Variants in ZSCAN32 observed in about 807,000 individuals in gnomAD.
ZSCAN32 encodes the protein zinc finger and SCAN domain containing 32.
A neutral mutation model predicts 47.4 loss-of-function variants in ZSCAN32; 52 were observed. That is an observed-to-expected ratio of 1.10 (90% CI 0.88 to 1.38). The LOEUF (loss-of-function observed/expected upper bound fraction) is 1.38. Ranked by LOEUF, ZSCAN32 falls within the 40% of genes most tolerant of loss-of-function variation. The pLI is 0.00. For missense variants in ZSCAN32, 959 were observed against 846.0 expected (o/e 1.13, Z -1.66); for synonymous variants, 346 against 305.7 (o/e 1.13, Z -1.38).
Position 3,383,625 on chromosome 16 carries a change from T to G in ZSCAN32, c.1321A>C (p.Lys441Gln). 1.2e-6 allele frequency: 2 copies of G among 1,613,462 alleles called. No individual in the cohort carries two copies. Among genetic ancestry groups the G allele is most frequent in the Non-Finnish European group, 1.7e-6 (2 of 1,180,024 alleles). Residue 441 changes from lysine (K) to glutamine (Q), a missense_variant, in exon 7 of 7, where the codon AAG becomes CAG. By Grantham distance (53) the Lys-to-Gln change is moderately conservative (BLOSUM62 1). Transcript: ENST00000396852. ...EVEINKALQR[K>Q]SRGVYWHSEL... Reference sequence around the variant, plus strand: ...GAGTGCCAATAAACTCCTCTGGACTTTCTCTGTAAAGCCTTGTTTATTTCT... The same window carrying G: ...GAGTGCCAATAAACTCCTCTGGACTGTCTCTGTAAAGCCTTGTTTATTTCT...
At position 3,383,330 on chromosome 16, in the gene ZSCAN32, T is replaced by C. The variant is rs1231056641; in HGVS notation, c.1616A>G (p.His539Arg). 6.2e-7 allele frequency: 1 copy of C among 1,614,216 alleles called. No homozygotes were observed. The highest frequency in any genetic ancestry group is 8.5e-7 in the Non-Finnish European group (1 of 1,180,048). Residue 539 changes from histidine to arginine, a missense_variant, in exon 7 of 7, where the codon CAT (histidine) becomes CGT (arginine). Transcript: ENST00000396852. ...CTTCTCGCCTGTGTGGATTCTTTGATGCCGAACAAGATAAGAACTTCGGCT... is the reference window on the plus strand; with the variant it reads ...CTTCTCGCCTGTGTGGATTCTTTGACGCCGAACAAGATAAGAACTTCGGCT... ...TFSRSSYLVR[H>R]QRIHTGEKPH...
intron 2 of ZSCAN32, among the ~76,000 whole-genome samples, chr16:3,396,214 G>C (rs1191737127): frequency 1.3e-5 from 2 of 152,084 alleles, no homozygotes; most frequent in Non-Finnish European, 2.9e-5. Context: ...ATGAATAAGA[G>C]TCCCAATCCC....
In ZSCAN32 at chr16:3,384,666, C is replaced by T. The variant is rs751954478; in HGVS notation, c.1027G>A (p.Ala343Thr). Residue 343 changes from alanine to threonine, a missense_variant, in exon 6 of 7, where the codon GCC (alanine) becomes ACC (threonine). By Grantham distance (58) the Ala-to-Thr change is moderately conservative. Transcript: ENST00000396852. ...EEMNALSGSW[A>T]SAPPMASDAV... is the part of the protein sequence containing the mutation. Reference sequence around the variant, plus strand: ...TCGCTTGCCATAGGAGGTGCAGAGGCCCAGGAGCCTGAAAGAGCATTCATT... The same window carrying T: ...TCGCTTGCCATAGGAGGTGCAGAGGTCCAGGAGCCTGAAAGAGCATTCATT... 8.7e-6 allele frequency: 14 copies of T among 1,614,058 alleles called. No individual in the cohort carries two copies. The highest frequency in any genetic ancestry group is 1.2e-5 in the Non-Finnish European group (14 of 1,180,048).
At chr16:3,390,598 GC>G in intron 3 of ZSCAN32, 81 bp from the exon 4 acceptor site, 1 of 1,158,360 alleles carries the variant, frequency 8.6e-7, no homozygotes, top group Non-Finnish European at 1.2e-6. Flanking sequence ...GGGCTCCTGG[GC>G]CAGCCGCATC....
Position 3,393,761 on chromosome 16 carries a change from C to T in ZSCAN32, c.420G>A (p.Leu140=), listed in dbSNP as rs1389799730. 1 of 1,550,350 alleles carries T rather than the reference C, an allele frequency of 6.5e-7. No individual in the cohort carries two copies. The highest frequency in any genetic ancestry group is 2.0e-5 in the Admixed American group (1 of 50,990). ...ATCTCAGTGATTCTCTGGTTGCTCC[C>T]AAAGGGGCCATCTCCTTCATGAGTA... ...LKVLMKEMAP[L]GATRESLRSQ... The change falls in exon 3 of 7, where the codon TTG becomes TTA. Residue 140 remains leucine (L), a synonymous_variant. Transcript: ENST00000396852.
Position 3,384,961 on chromosome 16 carries a change from T to A in ZSCAN32, c.752-20A>T, listed in dbSNP as rs781433414. 6.2e-7 allele frequency: 1 copy of A among 1,602,088 alleles called. No homozygotes were observed. The highest frequency in any genetic ancestry group is 1.1e-5 in the South Asian group (1 of 90,234). On this transcript the variant is annotated intron_variant, in intron 5 of 6. Transcript: ENST00000396852. ...CTGTTGCTGGGGGACAAAGAATAGGTCAATTAGATCTGTCAGTTAGATCAT... is the reference window on the plus strand; with the variant it reads ...CTGTTGCTGGGGGACAAAGAATAGGACAATTAGATCTGTCAGTTAGATCAT...
At chr16:3,394,847 C>G (rs1208613035) in intron 2 of ZSCAN32, among the ~76,000 whole-genome samples, 2 of 152,152 alleles carry the variant, frequency 1.3e-5, no homozygotes, top group Non-Finnish European at 2.9e-5. Context: ...GCTGTGCCCT[C>G]TGTCTGGAGT....
intron 4 of ZSCAN32, 28 bp from the exon 5 acceptor site, chr16:3,390,161 C>G (rs373598484): frequency 6.3e-7 from 1 of 1,577,470 alleles, no homozygotes; most frequent in Non-Finnish European, 8.6e-7. Context: ...CTGCTGCTAC[C>G]GATAAAATAG....
Position 3,384,857 on chromosome 16 carries a change from G to T in ZSCAN32, c.836C>A (p.Thr279Asn), listed in dbSNP as rs1168218040. ...GTAGATCTGGCTGTTCTGCTGACAG[G>T]TCTGGAGTTTTCCATAAAATTGAGA... ...SSSQFYGKLQ[T>N]CQQNSQIYRA... Residue 279 changes from threonine to asparagine, a missense_variant, in exon 6 of 7, where the codon ACC (threonine) becomes AAC (asparagine). Coordinates refer to ENST00000396852, the MANE Select transcript of ZSCAN32 (RefSeq NM_001284527.2). 6.2e-7 allele frequency: 1 copy of T among 1,614,138 alleles called. No homozygotes were observed. Among genetic ancestry groups the T allele is most frequent in the Non-Finnish European group, 8.5e-7 (1 of 1,180,002 alleles).
rs1394337706 is a variant in ZSCAN32, at chr16:3,390,039, G to A, written c.722C>T (p.Thr241Ile). The A allele has an allele frequency of 2.6e-5, 42 of 1,613,580 alleles. No homozygotes were observed. The highest frequency in any genetic ancestry group is 3.4e-5 in the Non-Finnish European group (40 of 1,179,850). Residue 241 changes from threonine (T) to isoleucine (I), a missense_variant, in exon 5 of 7, where the codon ACC becomes ATC. Coordinates refer to ENST00000396852, the MANE Select transcript of ZSCAN32 (RefSeq NM_001284527.2). ...PAQRALYRGA[T>I]QRKDSHVSLA... The stretch of plus-strand genomic sequence containing the variant: ...CGAGACGTGACTGTCCTTCCTCTGG[G>A]TGGCACCCCTGTAGAGGGCCCTTTG...
intron 2 of ZSCAN32, among the ~76,000 whole-genome samples, chr16:3,394,547 C>T (rs955407471): frequency 6.6e-6 from 1 of 152,150 alleles, no homozygotes; most frequent in Non-Finnish European, 1.5e-5. Context: ...TCTGCATCCT[C>T]TCTACTGCTG....
At chr16:3,385,839 C>T (rs1024119119) in intron 5 of ZSCAN32, among the ~76,000 whole-genome samples, 4 of 152,142 alleles carry the variant, frequency 2.6e-5, no homozygotes, top group Non-Finnish European at 5.9e-5. Context: ...ACCATAAAAA[C>T]CCTAGAAGAA....
intron 3 of ZSCAN32, among the ~76,000 whole-genome samples, chr16:3,391,992 G>T (rs2032759472): frequency 6.6e-6 from 1 of 152,140 alleles, no homozygotes; most frequent in Admixed American, 6.5e-5. Context: ...AAGGCAGCAA[G>T]TATCTAGCCA....
rs1266152792 is a variant in ZSCAN32 at position 3,382,639 on chromosome 16, CT to C, written c.*212del. 1 of 541,080 alleles carries C rather than the reference CT, an allele frequency of 1.8e-6. No individual in the cohort carries two copies. Among genetic ancestry groups the C allele is most frequent in the East Asian group, 3.4e-5 (1 of 29,636 alleles). 33.5% of individuals were successfully genotyped at this position (541,080 alleles called of 1,614,324 possible). ...ATCCTACAGCTTTCTCTCCATCAAA[CT>C]TTAAGTCACAGTAAGATAGGACTCT... On this transcript the variant is annotated 3_prime_UTR_variant, in exon 7 of 7. Transcript: ENST00000396852.
At chr16:3,394,680 A>T (rs1198434003) in intron 2 of ZSCAN32, among the ~76,000 whole-genome samples, 3 of 151,176 alleles carry the variant, frequency 2.0e-5, no homozygotes, top group Non-Finnish European at 4.4e-5. Context: ...TAAAATCCAG[A>T]CTCCTCTTTG....
rs553707364 is a variant in ZSCAN32 at position 3,397,042 on chromosome 16, A to G, written c.366+150T>C. On this transcript the variant is annotated intron_variant, in intron 2 of 6. Transcript: ENST00000396852. ...ACAGATGAGAAATTCTTCCCGTATT[A>G]TAAGGGCATAGGACCAATCCAAGAC... 278 of 831,002 alleles carry G rather than the reference A, an allele frequency of 3.3e-4. 1 individual carries two copies. In the South Asian group the frequency reaches 6.5e-3, roughly 19 times the overall value. The allele number at this position is 831,002 out of a possible 1,614,324, so 51.5% of individuals were successfully genotyped here. A position where few individuals can be genotyped will look rare whatever the true frequency, so the allele number is the denominator to read the frequency against.
At chr16:3,389,898 C>G (rs2032465779) in intron 5 of ZSCAN32, 112 bp downstream of exon 5, 1 of 1,138,696 alleles carries the variant, frequency 8.8e-7, no homozygotes, top group East Asian at 2.7e-5. Flanking sequence ...CCTCCTTTCC[C>G]TCCACCCAAC....
chr16:3,388,881 A>G (rs2032327131), intron 5 of ZSCAN32, among the ~76,000 whole-genome samples: 1 of 152,072 alleles, frequency 6.6e-6, no homozygotes. Flanking sequence ...TGGTTGTGGG[A>G]CCTTACTTTG....
chr16:3,398,181 A>C (rs923545040), intron 1 of ZSCAN32, among the ~76,000 whole-genome samples: 2 of 152,188 alleles, frequency 1.3e-5, no homozygotes, highest in Non-Finnish European at 2.9e-5. Flanking sequence ...CAGAGGTCAC[A>C]AGATTTGCAA....
Sources: gnomAD v4.1 joint callset for allele counts (sites outside exome capture counted in the v4.1 genomes callset) on GRCh38, gnomAD v4.1.1 for gene constraint, MANE v1.5 for transcripts, NCBI Gene and HGNC (gene_info 2026-07-23, HGNC 2026-07-21) for gene names.